AKAP12: variants seen among roughly 807,000 people sequenced by gnomAD.
The protein encoded by AKAP12 is A-kinase anchoring protein 12.
A neutral mutation model predicts 79.9 loss-of-function variants in AKAP12; 32 were observed. The observed-to-expected ratio is 0.40, with a 90% CI of 0.30 to 0.54. AKAP12 has a LOEUF of 0.54. Among genes scored for constraint, AKAP12 ranks in the 20% least tolerant of loss-of-function variants. AKAP12 has a pLI of 0.48. For missense variants in AKAP12, 2,074 were observed against 2,177.0 expected (o/e 0.95, Z 0.94); for synonymous variants, 808 against 857.0 (o/e 0.94, Z 1.00).
At position 151,348,703 on chromosome 6, in the gene AKAP12, G is replaced by A. The variant is rs199921568; in HGVS notation, c.320-8G>A. The A allele has an allele frequency of 3.7e-4, 196 of 532,784 alleles. No individual in the cohort carries two copies. The African/African-American group carries it at 5.4e-3, about 15-fold the overall frequency. 33.0% of individuals were successfully genotyped at this position (532,784 alleles called of 1,614,324 possible). A position where few individuals can be genotyped will look rare whatever the true frequency, so the allele number is the denominator to read the frequency against. On this transcript the variant is annotated splice_polypyrimidine_tract_variant and splice_region_variant and intron_variant, in intron 3 of 4. Transcript: ENST00000402676. ...TCTCCCCACCCCCCCGCCCCTTTTT[G>A]TTAATAGTTGGACAGAGAGACTCTG...
intron 2 of AKAP12, chr6:151,280,436 G>A (rs1776380277): frequency 6.6e-6 from 1 of 151,930 alleles, no homozygotes; most frequent in African/African-American, 2.4e-5. Context: ...ACATTTACTT[G>A]TTAACCAAGG....
intron 3 of AKAP12, 186 bp from the exon 4 acceptor site, chr6:151,348,525 G>A: frequency 3.2e-6 from 2 of 621,866 alleles, no homozygotes; most frequent in Admixed American, 5.3e-5. Context: ...TGTAGTCCCA[G>A]CTACTCGGGA....
At chr6:151,316,490 C>T (rs1023980738) in intron 3 of AKAP12, among the ~76,000 whole-genome samples, 4 of 152,156 alleles carry the variant, frequency 2.6e-5, no homozygotes, top group African/African-American at 9.7e-5. Flanking sequence ...GCTGGAGGTC[C>T]GAGATCTTGG....
chr6:151,248,330 C>T (rs930594027), intron 2 of AKAP12, among the ~76,000 whole-genome samples: 4 of 151,072 alleles, frequency 2.6e-5, no homozygotes, highest in South Asian at 2.1e-4. Flanking sequence ...CTTGAACTCC[C>T]GGACTCAGGC....
intron 3 of AKAP12, among the ~76,000 whole-genome samples, chr6:151,334,766 CG>C (rs1405426653): frequency 6.6e-6 from 1 of 151,570 alleles, no homozygotes. Context: ...GGACTACAGG[CG>C]CCCGCCACCA....
Position 151,349,459 on chromosome 6 carries a change from C to T in AKAP12, c.1068C>T (p.Ala356=), listed in dbSNP as rs200570348. 1.2e-6 allele frequency: 2 copies of T among 1,606,450 alleles called. No homozygotes were observed. The highest frequency in any genetic ancestry group is 2.2e-5 in the East Asian group (1 of 44,816). The change falls in exon 4 of 5, where the codon GCC becomes GCT. Residue 356 remains alanine, a synonymous_variant. Coordinates refer to ENST00000402676, the MANE Select transcript of AKAP12 (RefSeq NM_005100.4). ...ASEKLTASEQ[A]HPQEPAESAH... Reference sequence around the variant, plus strand: ...AGAAACTGACCGCCTCCGAGCAAGCCCACCCACAGGAGCCGGCAGAAAGTG... The same window carrying T: ...AGAAACTGACCGCCTCCGAGCAAGCTCACCCACAGGAGCCGGCAGAAAGTG...
At chr6:151,288,168 C>G (rs558167804) in intron 2 of AKAP12, among the ~76,000 whole-genome samples, 1 of 150,690 alleles carries the variant, frequency 6.6e-6, no homozygotes, top group South Asian at 2.1e-4. Context: ...ACCTCTCTAA[C>G]AAACCTGCGT....
At chr6:151,301,197 C>A (rs558858945) in intron 2 of AKAP12, among the ~76,000 whole-genome samples, 2 of 152,280 alleles carry the variant, frequency 1.3e-5, no homozygotes, top group South Asian at 4.1e-4. Flanking sequence ...CTTTCAGGGT[C>A]TCTCTGGGCA....
intron 2 of AKAP12, among the ~76,000 whole-genome samples, chr6:151,263,688 C>A (rs1797485103): frequency 6.6e-6 from 1 of 152,142 alleles, no homozygotes; most frequent in Admixed American, 6.6e-5. Flanking sequence ...AAGCAATTTT[C>A]CTGTCTCAGC....
chr6:151,294,493 T>A (rs1347724336), intron 2 of AKAP12, among the ~76,000 whole-genome samples: 1 of 152,214 alleles, frequency 6.6e-6, no homozygotes, highest in African/African-American at 2.4e-5. Context: ...TTCTTCCAGT[T>A]GGATTTAATG....
intron 4 of AKAP12, among the ~76,000 whole-genome samples, chr6:151,354,298 G>C (rs1023648264): frequency 7.0e-6 from 1 of 143,744 alleles, no homozygotes; most frequent in African/African-American, 2.8e-5. Flanking sequence ...ATTTTCCAGC[G>C]CATATAATGA....
chr6:151,313,338 A>G (rs1777161222), intron 3 of AKAP12, among the ~76,000 whole-genome samples: 1 of 152,204 alleles, frequency 6.6e-6, no homozygotes, highest in South Asian at 2.1e-4. Flanking sequence ...ATACAATATT[A>G]TTGCATGACA....
intron 3 of AKAP12, among the ~76,000 whole-genome samples, chr6:151,327,581 G>T (rs955456713): frequency 3.3e-5 from 5 of 151,980 alleles, no homozygotes; most frequent in Non-Finnish European, 7.4e-5. Context: ...TCAATTAGTC[G>T]CATACTGAGA....
chr6:151,323,270 G>T (rs1777442627), intron 3 of AKAP12, among the ~76,000 whole-genome samples: 1 of 152,182 alleles, frequency 6.6e-6, no homozygotes, highest in Non-Finnish European at 1.5e-5. Flanking sequence ...ATCAAATCAG[G>T]CCGGACGCAG....
At chr6:151,311,032 A>G (rs2499901) in intron 3 of AKAP12, among the ~76,000 whole-genome samples, 82,561 of 151,952 alleles carry the variant, frequency 0.54, 22,836 homozygotes, top group East Asian at 0.7. Flanking sequence ...CAGTAGTGCA[A>G]TCATGGTTCG....
At chr6:151,294,877 T>C (rs1776691365) in intron 2 of AKAP12, among the ~76,000 whole-genome samples, 1 of 152,170 alleles carries the variant, frequency 6.6e-6, no homozygotes, top group Non-Finnish European at 1.5e-5. Context: ...ATGGGGAATG[T>C]TAGTAGATGT....
chr6:151,253,439 G>C (rs966782209), intron 2 of AKAP12, among the ~76,000 whole-genome samples: 3 of 151,972 alleles, frequency 2.0e-5, no homozygotes, highest in African/African-American at 7.3e-5. Context: ...TGTTGCCCAG[G>C]CTGGTCTCGA....
chr6:151,325,398 A>C (rs951759340), intron 3 of AKAP12: 2 of 985,324 alleles, frequency 2.0e-6, no homozygotes, highest in African/African-American at 1.7e-5. Flanking sequence ...GTTTAGATCC[A>C]ATGCGCCGGC....
chr6:151,277,902 C>T (rs1776315239), intron 2 of AKAP12, among the ~76,000 whole-genome samples: 1 of 151,654 alleles, frequency 6.6e-6, no homozygotes, highest in Non-Finnish European at 1.5e-5. Context: ...AGACATGTTA[C>T]GTCTTCCCTT....
Sources: gnomAD v4.1 joint callset for allele counts (sites outside exome capture counted in the v4.1 genomes callset) on GRCh38, gnomAD v4.1.1 for gene constraint, MANE v1.5 for transcripts, NCBI Gene and HGNC (gene_info 2026-07-23, HGNC 2026-07-21) for gene names.